MAST4: variants seen among roughly 807,000 people sequenced by gnomAD.
The protein encoded by MAST4 is microtubule-associated serine/threonine-protein kinase 4.
A neutral mutation model predicts 162.7 loss-of-function variants in MAST4; 89 were observed. The ratio of observed to expected loss-of-function variants is 0.55; its 90% CI spans 0.46 to 0.65. The LOEUF (loss-of-function observed/expected upper bound fraction) is 0.65, where lower values mean the gene tolerates loss of function less well. Among genes scored for constraint, MAST4 ranks in the 30% least tolerant of loss-of-function variants. The pLI, the probability that MAST4 is intolerant of heterozygous loss-of-function variation, is 0.00. For synonymous variants in MAST4, 1,479 were observed against 1,361.1 expected (o/e 1.09, Z -1.91); for missense variants, 3,153 against 3,374.0 (o/e 0.93, Z 1.62).
chr5:66,751,935 C>G (rs1753201398), intron 1 of MAST4, among the ~76,000 whole-genome samples: 1 of 150,928 alleles, frequency 6.6e-6, no homozygotes, highest in African/African-American at 2.5e-5. Context: ...ATCAGACTAA[C>G]AGCGGATCTC....
At chr5:67,009,789 G>C (rs908315957) in intron 4 of MAST4, among the ~76,000 whole-genome samples, 1 of 152,188 alleles carries the variant, frequency 6.6e-6, no homozygotes, top group African/African-American at 2.4e-5. Flanking sequence ...TGGGGTTTAG[G>C]TCTGGGAGTG....
chr5:66,834,633 G>A (rs1412523494), intron 3 of MAST4, among the ~76,000 whole-genome samples: 2 of 152,158 alleles, frequency 1.3e-5, no homozygotes, highest in Non-Finnish European at 2.9e-5. Flanking sequence ...GTGTTCAGGT[G>A]TTCATGGCCT....
chr5:66,939,465 TAATTTA>T (rs1743129905), intron 4 of MAST4, among the ~76,000 whole-genome samples: 1 of 152,222 alleles, frequency 6.6e-6, no homozygotes, highest in African/African-American at 2.4e-5. Context: ...ATCTCATTGT[TAATTTA>T]ATTTGAATTT....
chr5:66,811,363 GAA>G (rs1756467970), intron 3 of MAST4, among the ~76,000 whole-genome samples: 1 of 152,024 alleles, frequency 6.6e-6, no homozygotes, highest in Non-Finnish European at 1.5e-5. Flanking sequence ...GGGTAGGAGG[GAA>G]AAATAAAAAG....
intron 12 of MAST4, chr5:67,115,173 C>A (rs1236656491): frequency 1.3e-5 from 2 of 152,020 alleles, no homozygotes; most frequent in African/African-American, 4.8e-5. Flanking sequence ...TAAACCACTC[C>A]CCCTACAACC....
intron 13 of MAST4, among the ~76,000 whole-genome samples, chr5:67,119,901 G>A (rs146901523): frequency 6.6e-6 from 1 of 152,038 alleles, no homozygotes; most frequent in South Asian, 2.1e-4. Context: ...CCATGAAAGA[G>A]CAGTAATAGT....
At chr5:66,933,542 T>C (rs1239505225) in intron 4 of MAST4, among the ~76,000 whole-genome samples, 1 of 152,210 alleles carries the variant, frequency 6.6e-6, no homozygotes, top group African/African-American at 2.4e-5. Context: ...CTTTCTGAAC[T>C]CTGTGAATTC....
At position 66,910,587 on chromosome 5, in the gene MAST4, A is replaced by AT. The variant is rs1183306794; in HGVS notation, c.674+10606dup. On this transcript the variant is annotated intron_variant, in intron 4 of 28. Transcript: ENST00000403625. ...AATTCTTCTTTTACTCCATGTGGCC[A>AT]TAGACTATCAGACCTAAGTAACTAC... is the stretch of plus-strand genomic sequence containing the variant. Among the ~76,000 whole-genome samples the AT allele has an allele frequency of 9.8e-5, 15 of 152,294 alleles. No homozygotes were observed. The East Asian group carries it at 2.5e-3, about 25-fold the overall frequency.
intron 3 of MAST4, among the ~76,000 whole-genome samples, chr5:66,834,877 G>C (rs756072521): frequency 8.5e-5 from 13 of 152,286 alleles, no homozygotes; most frequent in Middle Eastern, 3.4e-3. Context: ...TGCAGGTCGT[G>C]CAAGTAGTCT....
chr5:66,690,073 G>T (rs777256748), intron 1 of MAST4, among the ~76,000 whole-genome samples: 3 of 152,142 alleles, frequency 2.0e-5, no homozygotes, highest in Non-Finnish European at 4.4e-5. Context: ...TGTGTGAGAC[G>T]ATGGAAAAGC....
intron 4 of MAST4, among the ~76,000 whole-genome samples, chr5:67,034,625 G>A (rs963658014): frequency 6.6e-6 from 1 of 152,160 alleles, no homozygotes; most frequent in Non-Finnish European, 1.5e-5. Flanking sequence ...TGTGACTCTA[G>A]TTAGATTTGG....
At position 67,145,345 on chromosome 5, in the gene MAST4, C is replaced by T. The variant is rs754250977; in HGVS notation, c.3060C>T (p.Thr1020=). The change falls in exon 23 of 29, where the codon ACC becomes ACT. Residue 1020 remains threonine, a synonymous_variant. Transcript: ENST00000403625. ...CCCAGGAGGAGCCTGAGGTCACCAC[C>T]CCAGCCAGCACCATCAGCAGCTCCA... ...ECAQEEPEVT[T]PASTISSSTL... 21 of 1,613,138 alleles carry T rather than the reference C, an allele frequency of 1.3e-5. No homozygotes were observed. Among genetic ancestry groups the T allele is most frequent in the South Asian group, 9.9e-5 (9 of 91,044 alleles).
chr5:66,974,234 A>G (rs866846544), intron 4 of MAST4, among the ~76,000 whole-genome samples: 3 of 152,252 alleles, frequency 2.0e-5, no homozygotes, highest in Non-Finnish European at 4.4e-5. Flanking sequence ...CCCAACTAGC[A>G]TGAAACCTAC....
Position 67,167,009 on chromosome 5 carries a change from GA to G in MAST4, c.7833del (p.Glu2612ArgfsTer73). Reference sequence around the variant, plus strand: ...ACTTTGTGGTACGGCAGAGGCGGGGGAAAGAGAGTTTGCGTAGCAGCCCTCA... The same window carrying G: ...ACTTTGTGGTACGGCAGAGGCGGGGGAAGAGAGTTTGCGTAGCAGCCCTCA... ...KDFVVRQRRG[K>X]ESLRSSPHKK... On this transcript the variant is annotated frameshift_variant, in exon 29 of 29. Transcript: ENST00000403625. LOFTEE classifies it high-confidence loss of function. 1 of 1,606,754 alleles carries G rather than the reference GA, an allele frequency of 6.2e-7. No homozygotes were observed. The highest frequency in any genetic ancestry group is 8.5e-7 in the Non-Finnish European group (1 of 1,176,772).
chr5:67,061,820 CAAAA>C (rs113115367), intron 5 of MAST4, among the ~76,000 whole-genome samples: 5 of 94,318 alleles, frequency 5.3e-5, no homozygotes, highest in African/African-American at 7.3e-5. Flanking sequence ...AGTTCTTGGG[CAAAA>C]AAAAAAAAAA....
In MAST4 at chr5:67,166,092, C is replaced by T. The variant is rs754662570; in HGVS notation, c.6913C>T (p.Pro2305Ser). Reference protein sequence around the residue: ...LEVLEKPVHLPRPGHPGPSEP... With the variant: ...LEVLEKPVHLSRPGHPGPSEP... ...GGTGCTGGAGAAGCCTGTGCATTTG[C>T]CAAGGCCGGGACACCCAGGGCCTAG... Residue 2305 changes from proline (P) to serine (S), a missense_variant, in exon 29 of 29, where the codon CCA (proline) becomes TCA (serine). Pro to Ser is a moderately conservative substitution (Grantham distance 74). Around this residue, in one of 7 missense-constraint regions of MAST4, gnomAD observed 1,644 missense variants for 1,495.0 expected, o/e 1.10. Coordinates refer to ENST00000403625, the MANE Select transcript of MAST4 (RefSeq NM_001164664.2). 1.2e-6 allele frequency: 2 copies of T among 1,612,700 alleles called. No individual in the cohort carries two copies. Among genetic ancestry groups the T allele is most frequent in the Non-Finnish European group, 1.7e-6 (2 of 1,179,316 alleles).
intron 24 of MAST4, among the ~76,000 whole-genome samples, chr5:67,150,761 C>T (rs766846719): frequency 2.0e-4 from 30 of 152,320 alleles, no homozygotes; most frequent in South Asian, 1.0e-3. Context: ...CCTCCTCCCA[C>T]CTGCATGTCT....
intron 3 of MAST4, among the ~76,000 whole-genome samples, chr5:66,853,353 A>G (rs904983060): frequency 2.6e-5 from 4 of 152,110 alleles, no homozygotes; most frequent in Admixed American, 2.6e-4. Context: ...ATTTATTCTA[A>G]ATGATCATAT....
intron 27 of MAST4, among the ~76,000 whole-genome samples, chr5:67,161,391 TTATAA>T (rs1433031297): frequency 6.6e-6 from 1 of 152,220 alleles, no homozygotes; most frequent in African/African-American, 2.4e-5. Flanking sequence ...TGAACAATAT[TTATAA>T]TATAAGATAA....
Sources: gnomAD v4.1 joint callset for allele counts (sites outside exome capture counted in the v4.1 genomes callset) on GRCh38, gnomAD v4.1.1 for gene constraint, gnomAD v4.1.1 regional missense constraint, MANE v1.5 for transcripts, NCBI Gene and HGNC (gene_info 2026-07-23, HGNC 2026-07-21) for gene names.